The following STK38 variants were observed in gnomAD, a reference collection of about 807,000 sequenced individuals.
STK38 encodes the protein serine/threonine-protein kinase 38.
STK38 carries 26 observed loss-of-function variants against 59.0 expected under a neutral mutation model. That is an observed-to-expected ratio of 0.44 (90% CI 0.32 to 0.61). STK38 has a LOEUF of 0.61. Ranked by LOEUF, STK38 falls within the 20% of genes least tolerant of loss-of-function variation. The pLI is 0.04. For missense variants in STK38, 433 were observed against 566.0 expected (o/e 0.76, Z 2.38); for synonymous variants, 175 against 176.6 (o/e 0.99, Z 0.07).
chr6:36,507,549 A>G lies in STK38; in HGVS notation c.723T>C (p.His241=), dbSNP rs955587153. The G allele has an allele frequency of 8.7e-6, 14 of 1,613,970 alleles. No homozygotes were observed. The highest frequency in any genetic ancestry group is 1.3e-5 in the African/African-American group (1 of 74,908). The change falls in exon 8 of 14, where the codon CAT becomes CAC. Residue 241 remains histidine (H), a synonymous_variant. Coordinates refer to ENST00000229812, the MANE Select transcript of STK38 (RefSeq NM_007271.4). ...FGLCTGLKKA[H]RTEFYRNLNH... is the part of the protein sequence containing the mutation. ...TCAGATTCCTATAAAATTCTGTCCT[A>G]TGTGCTTTTTTCAGTCCTGTGCAAA... is the stretch of plus-strand genomic sequence containing the variant.
intron 2 of STK38, among the ~76,000 whole-genome samples, chr6:36,536,438 G>A (rs935680246): frequency 9.2e-5 from 14 of 152,088 alleles, no homozygotes; most frequent in African/African-American, 2.9e-4. Flanking sequence ...AGGCTGAGGT[G>A]GGAGGACTAC....
chr6:36,542,043 C>T (rs1777951320), intron 1 of STK38, among the ~76,000 whole-genome samples: 1 of 151,974 alleles, frequency 6.6e-6, no homozygotes, highest in South Asian at 2.1e-4. Flanking sequence ...CCACACTGGT[C>T]AGGCTGGTCT....
At chr6:36,535,012 A>G (rs188623319) in intron 2 of STK38, among the ~76,000 whole-genome samples, 23 of 152,322 alleles carry the variant, frequency 1.5e-4, no homozygotes, top group Non-Finnish European at 2.8e-4. Flanking sequence ...ATATGTCTAT[A>G]TATTAGCAGC....
intron 1 of STK38, among the ~76,000 whole-genome samples, chr6:36,544,729 A>C (rs1052234632): frequency 6.6e-6 from 1 of 152,238 alleles, no homozygotes; most frequent in South Asian, 2.1e-4. Context: ...AAAATTGGCC[A>C]GGTGTGGTAG....
intron 3 of STK38, among the ~76,000 whole-genome samples, chr6:36,525,154 T>C (rs1037884617): frequency 6.6e-6 from 1 of 152,172 alleles, no homozygotes; most frequent in Admixed American, 6.5e-5. Flanking sequence ...GACAGGTTGA[T>C]AGGTGCAGCA....
chr6:36,515,600 G>A (rs1777231871), intron 6 of STK38, 108 bp from the exon 7 acceptor site: 1 of 1,555,572 alleles, frequency 6.4e-7, no homozygotes, highest in Non-Finnish European at 8.6e-7. Context: ...TTCCCTATCT[G>A]CCAAAATAAG....
At chr6:36,536,151 C>T (rs186983340) in intron 2 of STK38, among the ~76,000 whole-genome samples, 108 of 152,274 alleles carry the variant, frequency 7.1e-4, no homozygotes, top group Middle Eastern at 6.8e-3. Context: ...CTATATGTCA[C>T]TTGATTTTCA....
intron 11 of STK38, 139 bp from the exon 12 acceptor site, chr6:36,498,014 ACTG>A: frequency 3.2e-6 from 2 of 633,390 alleles, no homozygotes; most frequent in Non-Finnish European, 5.3e-6. Flanking sequence ...ATCATGGCTC[ACTG>A]CAGCCTCAAC....
At chr6:36,525,747 G>A in intron 2 of STK38, 105 bp from the exon 3 acceptor site, 6 of 862,912 alleles carry the variant, frequency 7.0e-6, no homozygotes, top group South Asian at 3.6e-5. Flanking sequence ...GACACAAACA[G>A]GTAAATCTCA....
In STK38 at chr6:36,516,341, T is replaced by C. The variant is rs140143453; in HGVS notation, c.515-849A>G. Among the ~76,000 whole-genome samples the C allele has an allele frequency of 2.5e-3, 383 of 151,994 alleles. 2 individuals carry two copies. The highest frequency in any genetic ancestry group is 8.6e-3 in the African/African-American group (355 of 41,454). ...TCAACAGTGAGAAATGCAAAGAAAA[T>C]ATGTATAAGGAGTTTAAAACTAAGA... is the stretch of plus-strand genomic sequence containing the variant. On this transcript the variant is annotated intron_variant, in intron 6 of 13. Coordinates refer to ENST00000229812, the MANE Select transcript of STK38 (RefSeq NM_007271.4).
intron 2 of STK38, among the ~76,000 whole-genome samples, chr6:36,538,914 G>GAAAAAAAAAAAAAAAAAAAAAAA (rs1777863730): frequency 7.3e-6 from 1 of 137,500 alleles, no homozygotes; most frequent in African/African-American, 2.7e-5. Context: ...AAAAAAAAAG[G>GAAAAAAAAAAAAAAAAAAAAAAA]AAATTAAGAT....
intron 2 of STK38, among the ~76,000 whole-genome samples, chr6:36,532,291 A>G (rs894729907): frequency 4.0e-4 from 58 of 145,754 alleles, no homozygotes; most frequent in Middle Eastern, 3.5e-3. Flanking sequence ...TGGGTGACAC[A>G]GTGAGACCTT....
Position 36,521,765 on chromosome 6 carries a change from AG to A in STK38, c.358del (p.Leu120SerfsTer22). 1 of 1,612,030 alleles carries A rather than the reference AG, an allele frequency of 6.2e-7. No individual in the cohort carries two copies. Among genetic ancestry groups the A allele is most frequent in the Non-Finnish European group, 8.5e-7 (1 of 1,179,592 alleles). ...DTGHVYAMKI[L>X]RKADMLEKEQ... Reference sequence around the variant, plus strand: ...TTTTTCAAGCATATCTGCTTTACGGAGTATTTTCATTGCATACACATGTCCC... The same window carrying A: ...TTTTTCAAGCATATCTGCTTTACGGATATTTTCATTGCATACACATGTCCC... On this transcript the variant is annotated frameshift_variant, in exon 5 of 14. Transcript: ENST00000229812. LOFTEE classifies it high-confidence loss of function.
chr6:36,545,126 C>T (rs988310269), intron 1 of STK38, among the ~76,000 whole-genome samples: 2 of 151,176 alleles, frequency 1.3e-5, no homozygotes, highest in Admixed American at 6.6e-5. Flanking sequence ...CCTGTCTCTA[C>T]TAAAAATACA....
At chr6:36,516,551 C>T (rs572961406) in intron 6 of STK38, among the ~76,000 whole-genome samples, 2 of 152,250 alleles carry the variant, frequency 1.3e-5, no homozygotes, top group African/African-American at 4.8e-5. Context: ...AAAAATTAAA[C>T]CATTTATTAA....
chr6:36,540,494 C>G (rs1326209233), intron 1 of STK38, among the ~76,000 whole-genome samples: 2 of 152,146 alleles, frequency 1.3e-5, no homozygotes, highest in Non-Finnish European at 2.9e-5. Context: ...GTTCATCATG[C>G]CTTAATTTGT....
At position 36,495,842 on chromosome 6, in the gene STK38, C is replaced by T; in HGVS notation, c.1340G>A (p.Arg447His). The T allele has an allele frequency of 6.2e-6, 10 of 1,613,980 alleles. No homozygotes were observed. Among genetic ancestry groups the T allele is most frequent in the East Asian group, 2.2e-5 (1 of 44,876 alleles). The change falls in exon 14 of 14, where the codon CGC (arginine) becomes CAC (histidine). Residue 447 changes from arginine to histidine, a missense_variant. This residue lies in a region of STK38 where 136 missense variants were observed against 156.7 expected (regional missense o/e 0.87). Transcript: ENST00000229812. ...DWVFINYTYK[R>H]FEGLTARGAI... is the part of the protein sequence containing the mutation. ...CCCCCTTGCAGTCAGGCCCTCAAAG[C>T]GCTTGTACGTGTAATTGATGAAGAC...
At chr6:36,525,734 A>G (rs1252603068) in intron 2 of STK38, 92 bp from the exon 3 acceptor site, 3 of 1,027,266 alleles carry the variant, frequency 2.9e-6, no homozygotes, top group Non-Finnish European at 4.3e-6. Context: ...GATTTTTAAA[A>G]ATGACACAAA....
chr6:36,526,220 GTTTTTT>G (rs60509165), intron 2 of STK38, among the ~76,000 whole-genome samples: 31 of 130,490 alleles, frequency 2.4e-4, no homozygotes, highest in African/African-American at 5.7e-4. Flanking sequence ...GGTTTTGGGT[GTTTTTT>G]TTTTTTTTTT....
Sources: gnomAD v4.1 joint callset for allele counts (sites outside exome capture counted in the v4.1 genomes callset) on GRCh38, gnomAD v4.1.1 for gene constraint, gnomAD v4.1.1 regional missense constraint, MANE v1.5 for transcripts, NCBI Gene and HGNC (gene_info 2026-07-23, HGNC 2026-07-21) for gene names.